Variants in TULP4 observed in about 807,000 individuals in gnomAD.
The protein encoded by TULP4 is tubby-related protein 4.
TULP4 carries 16 observed loss-of-function variants against 129.0 expected under a neutral mutation model. The observed-to-expected ratio is 0.12, with a 90% CI of 0.08 to 0.19. The LOEUF (loss-of-function observed/expected upper bound fraction) is 0.19, where lower values mean the gene tolerates loss of function less well. Ranked by LOEUF, TULP4 falls within the 10% of genes least tolerant of loss-of-function variation. The pLI is 1.00. For missense variants in TULP4, 1,842 were observed against 2,059.1 expected (o/e 0.89, Z 2.04); for synonymous variants, 998 against 854.0 (o/e 1.17, Z -2.94).
intron 5 of TULP4, among the ~76,000 whole-genome samples, chr6:158,460,526 C>T (rs1779399205): frequency 1.3e-5 from 2 of 152,088 alleles, no homozygotes; most frequent in African/African-American, 2.4e-5. Flanking sequence ...AAGTAAATTG[C>T]TCTCATTGGG....
intron 1 of TULP4, among the ~76,000 whole-genome samples, chr6:158,260,881 C>T (rs1402275393): frequency 2.0e-5 from 3 of 151,304 alleles, no homozygotes; most frequent in Admixed American, 1.3e-4. Context: ...AGTGCAATGG[C>T]GCAATCTCGG....
chr6:158,246,064 ATTG>A (rs1442265618), intron 1 of TULP4, among the ~76,000 whole-genome samples: 19 of 112,962 alleles, frequency 1.7e-4, no homozygotes, highest in Non-Finnish European at 7.6e-5. Flanking sequence ...GTGTGTGTGT[ATTG>A]TTCTCAATTG....
chr6:158,474,057 G>A (rs1583916046), intron 6 of TULP4, among the ~76,000 whole-genome samples: 2 of 150,046 alleles, frequency 1.3e-5, no homozygotes, highest in East Asian at 4.0e-4. Flanking sequence ...CTTGCCTCAA[G>A]CAATCTTCCT....
intron 1 of TULP4, among the ~76,000 whole-genome samples, chr6:158,348,173 G>GTTTTTTTTTTTTTT (rs34217788): frequency 2.7e-5 from 3 of 112,170 alleles, no homozygotes; most frequent in African/African-American, 1.1e-4. Flanking sequence ...TTTTTTTAAG[G>GTTTTTTTTTTTTTT]TTTTTTTTTT....
At chr6:158,238,104 G>A in intron 1 of TULP4, 1 of 726,878 alleles carries the variant, frequency 1.4e-6, no homozygotes, top group Non-Finnish European at 2.6e-6. Flanking sequence ...GGTCACTAAT[G>A]CAGACACCAT....
chr6:158,323,551 T>C (rs909751049), intron 1 of TULP4, among the ~76,000 whole-genome samples: 4 of 152,218 alleles, frequency 2.6e-5, no homozygotes, highest in African/African-American at 9.6e-5. Flanking sequence ...TCTACCTTGT[T>C]TCCTTCCTAG....
At chr6:158,262,174 C>T (rs1022181482) in intron 1 of TULP4, among the ~76,000 whole-genome samples, 1 of 152,210 alleles carries the variant, frequency 6.6e-6, no homozygotes, top group African/African-American at 2.4e-5. Flanking sequence ...CCAGTGCCTT[C>T]ATTCCCTGAC....
upstream of TULP4, among the ~76,000 whole-genome samples, chr6:158,308,727 T>C (rs1779266502): frequency 1.4e-5 from 2 of 143,628 alleles, no homozygotes; most frequent in Admixed American, 1.4e-4. Context: ...GCCCCTCACC[T>C]CCTGGACGGG....
chr6:158,289,085 T>G (rs1778883703), intron 1 of TULP4, among the ~76,000 whole-genome samples: 1 of 152,216 alleles, frequency 6.6e-6, no homozygotes, highest in Non-Finnish European at 1.5e-5. Context: ...AAACTACAGA[T>G]TCATTTTCTT....
At chr6:158,291,330 T>A (rs1045112465) in intron 1 of TULP4, among the ~76,000 whole-genome samples, 7 of 152,334 alleles carry the variant, frequency 4.6e-5, no homozygotes, top group African/African-American at 1.7e-4. Flanking sequence ...GGGAATATAA[T>A]TGTGTTTTCT....
chr6:158,429,326 A>T (rs1022328796), intron 2 of TULP4, among the ~76,000 whole-genome samples: 2 of 152,216 alleles, frequency 1.3e-5, no homozygotes, highest in Non-Finnish European at 2.9e-5. Flanking sequence ...TTTAGTAGAG[A>T]TGGGGTTTCA....
chr6:158,380,973 C>T (rs946708697), intron 1 of TULP4, among the ~76,000 whole-genome samples: 1 of 151,300 alleles, frequency 6.6e-6, no homozygotes, highest in Non-Finnish European at 1.5e-5. Context: ...TGTCCTGACA[C>T]GGACAGTGGT....
chr6:158,408,483 T>C (rs1211785877), intron 1 of TULP4, among the ~76,000 whole-genome samples: 2 of 152,186 alleles, frequency 1.3e-5, no homozygotes, highest in Non-Finnish European at 2.9e-5. Flanking sequence ...CACAGAGCTC[T>C]CATTTGCTGA....
chr6:158,363,743 C>A (rs892170950), intron 1 of TULP4, among the ~76,000 whole-genome samples: 1 of 152,168 alleles, frequency 6.6e-6, no homozygotes, highest in African/African-American at 2.4e-5. Flanking sequence ...CCCCGGCCTC[C>A]CAAAGTGCTG....
In TULP4 at chr6:158,260,449, G is replaced by A. The variant is rs913009182; in HGVS notation, n.68+28146G>A. Among the ~76,000 whole-genome samples, 13 of 152,074 alleles carry A rather than the reference G, an allele frequency of 8.5e-5. 1 individual carries two copies. The East Asian group carries it at 1.8e-3, about 20-fold the overall frequency. On this transcript the variant is annotated intron_variant and non_coding_transcript_variant, in intron 1 of 1. Transcript: ENST00000620026. ...AAATTAGCTGGGCGAGGTGGTGGGC[G>A]CCTGTAGTCCCAGCTACTCGGGAGG...
At chr6:158,253,426 A>G (rs959225848) in intron 1 of TULP4, among the ~76,000 whole-genome samples, 5 of 152,298 alleles carry the variant, frequency 3.3e-5, no homozygotes, top group African/African-American at 1.2e-4. Flanking sequence ...AGACAGATGG[A>G]CAAAACTAAG....
intron 1 of TULP4, among the ~76,000 whole-genome samples, chr6:158,404,425 A>T (rs1022917347): frequency 1.3e-5 from 2 of 152,240 alleles, no homozygotes; most frequent in Admixed American, 1.3e-4. Context: ...AACATATAAA[A>T]TAAAACCCTT....
At chr6:158,325,412 G>A (rs1021765717) in intron 1 of TULP4, among the ~76,000 whole-genome samples, 1 of 147,706 alleles carries the variant, frequency 6.8e-6, no homozygotes, top group Non-Finnish European at 1.5e-5. Flanking sequence ...GAGTGCAGTG[G>A]TTGAATCTCG....
chr6:158,258,276 C>T (rs1239236968), intron 1 of TULP4, among the ~76,000 whole-genome samples: 1 of 152,210 alleles, frequency 6.6e-6, no homozygotes, highest in East Asian at 1.9e-4. Context: ...TCTCTTTTGT[C>T]TTCTGCCTCT....
Sources: gnomAD v4.1 joint callset for allele counts (sites outside exome capture counted in the v4.1 genomes callset) on GRCh38, gnomAD v4.1.1 for gene constraint, MANE v1.5 for transcripts, NCBI Gene and HGNC (gene_info 2026-07-23, HGNC 2026-07-21) for gene names.